The following SEM1 variants were observed in gnomAD, a reference collection of about 807,000 sequenced individuals.
SEM1 encodes 26S proteasome complex subunit SEM1.
In SEM1, 3 loss-of-function variants were observed where a neutral mutation model predicts 12.7. The observed-to-expected ratio is 0.24, with a 90% confidence interval of 0.11 to 0.61. The LOEUF (loss-of-function observed/expected upper bound fraction) is 0.61. Ranked by LOEUF, SEM1 falls within the 20% of genes least tolerant of loss-of-function variation. The probability of loss-of-function intolerance (pLI) is 0.88; values close to 1 mark genes in which losing one functional copy is unlikely to be tolerated. For missense variants in SEM1, 59 were observed against 81.3 expected (o/e 0.73, Z 1.06); for synonymous variants, 30 against 27.8 (o/e 1.08, Z -0.25).
intron 2 of SEM1, among the ~76,000 whole-genome samples, chr7:96,611,467 G>T (rs1365529565): frequency 9.9e-5 from 15 of 152,150 alleles, no homozygotes; most frequent in Non-Finnish European, 2.1e-4. Context: ...TGGAATATGA[G>T]CAAAAGTTAC....
intron 2 of SEM1, chr7:96,649,980 C>G (rs1808920308): frequency 6.5e-6 from 1 of 152,718 alleles, no homozygotes; most frequent in Non-Finnish European, 1.5e-5. Context: ...TAACACCGTC[C>G]ATCAGTATAT....
chr7:96,681,206 A>G (rs1324462755), intron 2 of SEM1, among the ~76,000 whole-genome samples: 1 of 152,168 alleles, frequency 6.6e-6, no homozygotes, highest in Non-Finnish European at 1.5e-5. Flanking sequence ...GAGCCAGACT[A>G]CATTGGGCTT....
At chr7:96,595,870 G>A (rs1806981550) in intron 2 of SEM1, among the ~76,000 whole-genome samples, 1 of 152,168 alleles carries the variant, frequency 6.6e-6, no homozygotes, top group South Asian at 2.1e-4. Flanking sequence ...AAACTCGGTT[G>A]CATCCATGTT....
At position 96,541,445 on chromosome 7, in the gene SEM1, T is replaced by G. The variant is rs1481445387; in HGVS notation, c.171-34747A>C. Among the ~76,000 whole-genome samples the G allele has an allele frequency of 1.6e-3, 152 of 96,334 alleles. 2 individuals carry two copies. Among genetic ancestry groups the G allele is most frequent in the East Asian group, 1.7e-3 (8 of 4,826 alleles). 63.2% of individuals were successfully genotyped at this position (96,334 alleles called of 152,430 possible). ...CTTTTTAATGGGTTTTTTTTTTTGT[T>G]TTTTTTTTTTTTTTGCTGAATTGTT... On this transcript the variant is annotated intron_variant and NMD_transcript_variant, in intron 2 of 3. Coordinates refer to the SEM1 transcript ENST00000466986.
intron 2 of SEM1, among the ~76,000 whole-genome samples, chr7:96,584,729 C>T (rs1316781367): frequency 3.9e-5 from 6 of 151,980 alleles, no homozygotes; most frequent in South Asian, 2.1e-4. Flanking sequence ...CATCTTCCAT[C>T]GGTGATACCC....
chr7:96,555,166 T>G (rs1365143746), intron 2 of SEM1, among the ~76,000 whole-genome samples: 1 of 100,880 alleles, frequency 9.9e-6, no homozygotes, highest in African/African-American at 2.5e-5. Flanking sequence ...ATTCATTAAT[T>G]TTTTGAAGGG....
intron 2 of SEM1, among the ~76,000 whole-genome samples, chr7:96,658,678 G>C (rs927284823): frequency 6.6e-6 from 1 of 152,138 alleles, no homozygotes; most frequent in Non-Finnish European, 1.5e-5. Context: ...GTAATCAAGA[G>C]GTCTTTCCCT....
At chr7:96,511,412 A>G (rs571399972) in intron 2 of SEM1, among the ~76,000 whole-genome samples, 1 of 152,290 alleles carries the variant, frequency 6.6e-6, no homozygotes, top group East Asian at 1.9e-4. Context: ...TTGATTGAAG[A>G]ATTATGAAAA....
upstream of SEM1, among the ~76,000 whole-genome samples, chr7:96,500,293 G>A (rs6465509): frequency 0.13 from 19,138 of 151,856 alleles, 1,279 homozygotes; most frequent in South Asian, 0.18. Context: ...CGCATCGAAG[G>A]CAGGTGGCTC....
chr7:96,543,633 A>G (rs1395811922), intron 2 of SEM1, among the ~76,000 whole-genome samples: 29 of 151,976 alleles, frequency 1.9e-4, no homozygotes, highest in Admixed American at 1.8e-3. Flanking sequence ...ATAGTAGTTT[A>G]TGTATCATAG....
intron 2 of SEM1, among the ~76,000 whole-genome samples, chr7:96,569,214 G>A (rs1041910363): frequency 2.6e-5 from 4 of 151,938 alleles, no homozygotes; most frequent in African/African-American, 9.7e-5. Context: ...GATTCCTTTG[G>A]AAATTTTAGA....
At chr7:96,647,889 A>G (rs979719012) in intron 2 of SEM1, among the ~76,000 whole-genome samples, 1 of 152,220 alleles carries the variant, frequency 6.6e-6, no homozygotes, top group Admixed American at 6.5e-5. Context: ...CGCTAAATGA[A>G]GTTTGCTCTC....
chr7:96,500,819 G>A (rs1803506581), upstream of SEM1, among the ~76,000 whole-genome samples: 1 of 152,088 alleles, frequency 6.6e-6, no homozygotes, highest in Non-Finnish European at 1.5e-5. Flanking sequence ...CTTGGCTCCT[G>A]GATTTCACTC....
intron 2 of SEM1, among the ~76,000 whole-genome samples, chr7:96,661,292 A>AGGCAAATAT (rs1788993104): frequency 6.6e-6 from 1 of 152,206 alleles, no homozygotes; most frequent in Non-Finnish European, 1.5e-5. Flanking sequence ...ATTTGCACCT[A>AGGCAAATAT]AGAGATGGCT....
exon 3 of SEM1, chr7:96,622,618 A>T (rs781097205): frequency 2.6e-6 from 2 of 764,794 alleles, no homozygotes; most frequent in South Asian, 1.3e-5. Context: ...TCTCCCCGCT[A>T]TTCCTCCAGT....
intron 2 of SEM1, among the ~76,000 whole-genome samples, chr7:96,526,621 A>G (rs1168978749): frequency 6.6e-6 from 1 of 152,144 alleles, no homozygotes; most frequent in Non-Finnish European, 1.5e-5. Flanking sequence ...GCAACTTTCC[A>G]AACAGTGCCT....
Position 96,517,357 on chromosome 7 carries a change from C to A in SEM1, c.171-10659G>T, listed in dbSNP as rs115318925. ...ATGACAAATCTCTGTACCTTCCTCT[C>A]AATTTTGATGCAAAGGTAAAAGTGC... On this transcript the variant is annotated intron_variant and NMD_transcript_variant, in intron 2 of 3. Transcript: ENST00000466986. 5.3e-3 allele frequency among the ~76,000 whole-genome samples: 799 copies of A among 152,162 alleles called. 8 individuals are homozygous for A. Among genetic ancestry groups the A allele is most frequent in the African/African-American group, 0.018 (760 of 41,536 alleles).
At chr7:96,668,527 A>G (rs568553618), downstream of SEM1, among the ~76,000 whole-genome samples, 6 of 152,252 alleles carry the variant, frequency 3.9e-5, no homozygotes, top group East Asian at 5.8e-4. Context: ...AAAGGACTCA[A>G]TGAAATTAAG....
chr7:96,540,255 T>G (rs1804904642), intron 2 of SEM1, among the ~76,000 whole-genome samples: 1 of 151,570 alleles, frequency 6.6e-6, no homozygotes, highest in South Asian at 2.1e-4. Flanking sequence ...TGCATTTGAG[T>G]GTTGAGAAAA....
Sources: gnomAD v4.1 joint callset for allele counts (sites outside exome capture counted in the v4.1 genomes callset) on GRCh38, gnomAD v4.1.1 for gene constraint, MANE v1.5 for transcripts, NCBI Gene and HGNC (gene_info 2026-07-23, HGNC 2026-07-21) for gene names.